The following TENT4B variants were observed in gnomAD, a reference collection of about 807,000 sequenced individuals.
TENT4B encodes terminal nucleotidyltransferase 4B, also known as PAP associated domain containing 5.
TENT4B carries 10 observed loss-of-function variants against 75.0 expected under a neutral mutation model. The observed-to-expected ratio is 0.13, with a 90% confidence interval of 0.08 to 0.23. The LOEUF (loss-of-function observed/expected upper bound fraction) is 0.23. Among genes scored for constraint, TENT4B ranks in the 10% least tolerant of loss-of-function variants. The pLI is 1.00. For synonymous variants in TENT4B, 350 were observed against 357.7 expected (o/e 0.98, Z 0.24); for missense variants, 579 against 893.8 (o/e 0.65, Z 4.49).
Position 50,231,549 on chromosome 16 carries a change from G to C in TENT4B, c.*2221G>C. 5.1e-6 allele frequency: 5 copies of C among 985,782 alleles called. No homozygotes were observed. Among genetic ancestry groups the C allele is most frequent in the Non-Finnish European group, 6.0e-6 (5 of 829,896 alleles). 61.1% of individuals were successfully genotyped at this position (985,782 alleles called of 1,614,324 possible). ...CGAATATTAGTGTTCCAATAAGCATGTGATTATATTAAGGTGGTGGTAGCG... is the reference window on the plus strand; with the variant it reads ...CGAATATTAGTGTTCCAATAAGCATCTGATTATATTAAGGTGGTGGTAGCG... On this transcript the variant is annotated 3_prime_UTR_variant, in exon 12 of 12. Transcript: ENST00000561678.
At chr16:50,184,527 C>T (rs559893779) in intron 1 of TENT4B, among the ~76,000 whole-genome samples, 5 of 152,170 alleles carry the variant, frequency 3.3e-5, no homozygotes, top group East Asian at 1.9e-4. Flanking sequence ...ATTAGCCGGG[C>T]GTGGTGGCGG....
At chr16:50,220,667 T>C (rs1301468366) in intron 5 of TENT4B, among the ~76,000 whole-genome samples, 1 of 152,076 alleles carries the variant, frequency 6.6e-6, no homozygotes, top group East Asian at 1.9e-4. Flanking sequence ...TAGCTGGGAC[T>C]ACATATGTGT....
intron 7 of TENT4B, 59 bp downstream of exon 7, chr16:50,223,446 T>C: frequency 8.9e-7 from 1 of 1,126,302 alleles, no homozygotes; most frequent in South Asian, 1.6e-5. Context: ...AGTCACCTTA[T>C]TATACTTTAA....
chr16:50,192,379 A>G (rs2029910020), intron 1 of TENT4B, among the ~76,000 whole-genome samples: 1 of 152,208 alleles, frequency 6.6e-6, no homozygotes, highest in African/African-American at 2.4e-5. Flanking sequence ...TTGTTACCAT[A>G]GTGCACTTCT....
At chr16:50,184,502 AC>A in intron 1 of TENT4B, among the ~76,000 whole-genome samples, 1 of 152,210 alleles carries the variant, frequency 6.6e-6, no homozygotes, top group South Asian at 2.1e-4. Context: ...CCCCGTCTCT[AC>A]TAAAAAACAA....
intron 1 of TENT4B, among the ~76,000 whole-genome samples, chr16:50,175,923 C>G (rs2038299069): frequency 6.6e-6 from 1 of 151,908 alleles, no homozygotes; most frequent in East Asian, 1.9e-4. Context: ...GCTGGGACTA[C>G]AGGTGAGCAC....
chr16:50,192,537 A>G lies in TENT4B; in HGVS notation c.639-18786A>G, dbSNP rs2029920396. ...CAGTGTAACTTGGTAGACTTGACCTATCAAGTTACTGTTGAATATATTATG... is the reference window on the plus strand; with the variant it reads ...CAGTGTAACTTGGTAGACTTGACCTGTCAAGTTACTGTTGAATATATTATG... On this transcript the variant is annotated intron_variant, in intron 1 of 11. Coordinates refer to ENST00000561678, the MANE Select transcript of TENT4B (RefSeq NM_001365324.3). Among the ~76,000 whole-genome samples the G allele has an allele frequency of 2.6e-5, 4 of 152,234 alleles. No homozygotes were observed. In the South Asian group the frequency reaches 6.2e-4, roughly 24 times the overall value.
At chr16:50,174,153 A>G (rs2038258827) in intron 1 of TENT4B, among the ~76,000 whole-genome samples, 1 of 152,084 alleles carries the variant, frequency 6.6e-6, no homozygotes, top group Non-Finnish European at 1.5e-5. Context: ...TCTGGAATGC[A>G]GTGGCATGAT....
chr16:50,192,338 G>T (rs973980994), intron 1 of TENT4B, among the ~76,000 whole-genome samples: 2 of 152,098 alleles, frequency 1.3e-5, no homozygotes, highest in Non-Finnish European at 2.9e-5. Flanking sequence ...CATGAACTGG[G>T]ATGAGATCGT....
Position 50,153,451 on chromosome 16 carries a change from G to T in TENT4B, c.-171G>T. The stretch of plus-strand genomic sequence containing the variant: ...GGAGCGACGCCGCCGGCGCCGGCCG[G>T]GCTCCCTGCGCGACCGCGCCGCCCG... On this transcript the variant is annotated 5_prime_UTR_variant, in exon 1 of 12. Transcript: ENST00000561678. 1 of 923,874 alleles carries T rather than the reference G, an allele frequency of 1.1e-6. No homozygotes were observed. The highest frequency in any genetic ancestry group is 1.3e-6 in the Non-Finnish European group (1 of 776,816). 57.2% of individuals were successfully genotyped at this position (923,874 alleles called of 1,614,324 possible).
In TENT4B at chr16:50,187,476, G is replaced by A. The variant is rs527693230; in HGVS notation, c.639-23847G>A. 1.2e-4 allele frequency among the ~76,000 whole-genome samples: 18 copies of A among 152,278 alleles called. No individual in the cohort carries two copies. The South Asian group carries it at 3.5e-3, about 30-fold the overall frequency. On this transcript the variant is annotated intron_variant, in intron 1 of 11. Coordinates refer to ENST00000561678, the MANE Select transcript of TENT4B (RefSeq NM_001365324.3). ...TGCATACCTGTGGTCCCAGCTACTTGGGAGGCTGAGGCAGGAGAATTGCTT... is the reference window on the plus strand; with the variant it reads ...TGCATACCTGTGGTCCCAGCTACTTAGGAGGCTGAGGCAGGAGAATTGCTT...
intron 1 of TENT4B, among the ~76,000 whole-genome samples, chr16:50,157,874 TC>T (rs1322124280): frequency 2.0e-5 from 3 of 152,168 alleles, no homozygotes; most frequent in African/African-American, 7.2e-5. Context: ...GAAGTGAACT[TC>T]CCACCTCAGC....
Position 50,153,641 on chromosome 16 carries a change from G to C in TENT4B, c.20G>C (p.Trp7Ser). 1 of 1,008,414 alleles carries C rather than the reference G, an allele frequency of 9.9e-7. No homozygotes were observed. Among genetic ancestry groups the C allele is most frequent in the Non-Finnish European group, 1.2e-6 (1 of 846,160 alleles). 62.5% of individuals were successfully genotyped at this position (1,008,414 alleles called of 1,614,324 possible). ...CGTTTGATGGATCCGAGGATCGCCTGGTTTCAGCCAGAGCAGCTCGGACCG... is the reference window on the plus strand; with the variant it reads ...CGTTTGATGGATCCGAGGATCGCCTCGTTTCAGCCAGAGCAGCTCGGACCG... MDPRIA[W>S]FQPEQLGPSN... The change falls in exon 1 of 12, where the codon TGG becomes TCG. Residue 7 changes from tryptophan to serine, a missense_variant. Trp to Ser is a radical substitution (Grantham distance 177). Coordinates refer to ENST00000561678, the MANE Select transcript of TENT4B (RefSeq NM_001365324.3).
chr16:50,204,069 C>T (rs891496408), intron 1 of TENT4B, among the ~76,000 whole-genome samples: 13 of 152,092 alleles, frequency 8.5e-5, no homozygotes, highest in Non-Finnish European at 1.8e-4. Context: ...GAAGAGGGCT[C>T]GGAAGCTCTT....
chr16:50,202,851 T>A (rs36104647), intron 1 of TENT4B, among the ~76,000 whole-genome samples: 1 of 152,160 alleles, frequency 6.6e-6, no homozygotes, highest in Admixed American at 6.6e-5. Context: ...TCTCTTTTCA[T>A]AGCAGCAAAG....
intron 1 of TENT4B, among the ~76,000 whole-genome samples, chr16:50,186,859 C>T (rs907229380): frequency 3.3e-5 from 5 of 152,114 alleles, no homozygotes; most frequent in Non-Finnish European, 7.4e-5. Context: ...GGATTGTAGG[C>T]GTGGGCCACT....
intron 1 of TENT4B, 73 bp downstream of exon 1, chr16:50,154,332 G>A: frequency 7.2e-7 from 1 of 1,380,222 alleles, no homozygotes; most frequent in Non-Finnish European, 9.3e-7. Flanking sequence ...CACAGAGGGG[G>A]GTTGTGAGGG....
At chr16:50,210,252 A>G (rs2031208140) in intron 1 of TENT4B, among the ~76,000 whole-genome samples, 2 of 152,268 alleles carry the variant, frequency 1.3e-5, no homozygotes, top group South Asian at 4.1e-4. Flanking sequence ...CAACTTAGAA[A>G]GGAATGCTGC....
At chr16:50,197,569 G>A (rs1307734516) in intron 1 of TENT4B, among the ~76,000 whole-genome samples, 7 of 152,192 alleles carry the variant, frequency 4.6e-5, no homozygotes, top group Non-Finnish European at 1.0e-4. Flanking sequence ...GATTACAGGC[G>A]TGAGCCACCA....
Sources: gnomAD v4.1 joint callset for allele counts (sites outside exome capture counted in the v4.1 genomes callset) on GRCh38, gnomAD v4.1.1 for gene constraint, MANE v1.5 for transcripts, NCBI Gene and HGNC (gene_info 2026-07-23, HGNC 2026-07-21) for gene names.